The following ZRANB3 variants were observed in gnomAD, a reference collection of about 807,000 sequenced individuals.
ZRANB3 encodes zinc finger RANBP2-type containing 3.
ZRANB3 carries 125 observed loss-of-function variants against 133.8 expected under a neutral mutation model. That is an observed-to-expected ratio of 0.93 (90% CI 0.81 to 1.08). The LOEUF (loss-of-function observed/expected upper bound fraction) is 1.08, where lower values mean the gene tolerates loss of function less well. Among genes scored for constraint, ZRANB3 ranks in the 50% least tolerant of loss-of-function variants. The probability of loss-of-function intolerance (pLI) is 0.00; values close to 1 mark genes in which losing one functional copy is unlikely to be tolerated. For missense variants in ZRANB3, 1,229 were observed against 1,275.5 expected (o/e 0.96, Z 0.56); for synonymous variants, 387 against 432.7 (o/e 0.89, Z 1.31).
intron 1 of ZRANB3, among the ~76,000 whole-genome samples, chr2:135,514,683 A>C (rs1693626122): frequency 6.6e-6 from 1 of 152,192 alleles, no homozygotes; most frequent in East Asian, 1.9e-4. Flanking sequence ...TATGCTGAAT[A>C]GGAGTGGTGA....
At chr2:135,276,469 A>G (rs1680834770) in intron 8 of ZRANB3, among the ~76,000 whole-genome samples, 1 of 152,208 alleles carries the variant, frequency 6.6e-6, no homozygotes, top group African/African-American at 2.4e-5. Flanking sequence ...AAAAGTTCAG[A>G]TTAACAGGTA....
At chr2:135,251,977 T>C (rs1045537873) in intron 12 of ZRANB3, among the ~76,000 whole-genome samples, 1 of 152,132 alleles carries the variant, frequency 6.6e-6, no homozygotes, top group Non-Finnish European at 1.5e-5. Flanking sequence ...GGAGGCTGCA[T>C]TGAGCCTGGA....
chr2:135,462,505 A>G (rs1414284923), intron 2 of ZRANB3, among the ~76,000 whole-genome samples: 1 of 149,820 alleles, frequency 6.7e-6, no homozygotes, highest in Non-Finnish European at 1.5e-5. Flanking sequence ...TTTTTCCTTA[A>G]CTCTGTCCTT....
At chr2:135,204,338 A>G (rs1693761408) in intron 19 of ZRANB3, among the ~76,000 whole-genome samples, 3 of 152,132 alleles carry the variant, frequency 2.0e-5, no homozygotes, top group African/African-American at 7.2e-5. Context: ...TTAGGGAAAA[A>G]AAAATCCATT....
intron 12 of ZRANB3, among the ~76,000 whole-genome samples, chr2:135,241,874 G>C (rs755863272): frequency 5.9e-5 from 9 of 152,112 alleles, no homozygotes; most frequent in Non-Finnish European, 1.3e-4. Context: ...AAGCAGGTTT[G>C]GAGTTCATAA....
chr2:135,303,427 T>G (rs893646041), intron 8 of ZRANB3, among the ~76,000 whole-genome samples: 2 of 152,158 alleles, frequency 1.3e-5, no homozygotes, highest in African/African-American at 4.8e-5. Context: ...ACTTCTTTTT[T>G]TCCTTATGGA....
intron 2 of ZRANB3, among the ~76,000 whole-genome samples, chr2:135,406,093 A>G (rs1156641855): frequency 1.3e-5 from 2 of 152,200 alleles, no homozygotes; most frequent in Non-Finnish European, 2.9e-5. Flanking sequence ...ATAAAGAAGA[A>G]AAGAGAGAAG....
chr2:135,374,052 G>C (rs1686307147), intron 3 of ZRANB3, among the ~76,000 whole-genome samples: 1 of 152,082 alleles, frequency 6.6e-6, no homozygotes, highest in African/African-American at 2.4e-5. Flanking sequence ...ACAACAAATA[G>C]ATGGAACTGT....
At chr2:135,257,175 G>C (rs531305713) in intron 12 of ZRANB3, among the ~76,000 whole-genome samples, 1 of 152,288 alleles carries the variant, frequency 6.6e-6, no homozygotes, top group South Asian at 2.1e-4. Context: ...CTATAGAGTA[G>C]CCATTCTTTA....
At position 135,474,722 on chromosome 2, in the gene ZRANB3, T is replaced by C. The variant is rs114724561; in HGVS notation, c.161+29607A>G. Among the ~76,000 whole-genome samples, 1,134 of 152,348 alleles carry C rather than the reference T, an allele frequency of 7.4e-3. 13 individuals are homozygous for C. The highest frequency in any genetic ancestry group is 0.026 in the African/African-American group (1,083 of 41,584). ...TTACCCAGCATCAGATATTCATTTA[T>C]AGCAATACTACAAGGACTAATGCAA... On this transcript the variant is annotated intron_variant, in intron 2 of 20. Coordinates refer to ENST00000264159, the MANE Select transcript of ZRANB3 (RefSeq NM_032143.4).
intron 6 of ZRANB3, among the ~76,000 whole-genome samples, chr2:135,341,268 T>C (rs537521553): frequency 2.7e-5 from 4 of 149,988 alleles, no homozygotes; most frequent in Middle Eastern, 6.8e-3. Flanking sequence ...GATCTCGTGA[T>C]CTGTTGCGGG....
chr2:135,474,149 C>A (rs1017326024), intron 2 of ZRANB3, among the ~76,000 whole-genome samples: 2 of 152,052 alleles, frequency 1.3e-5, no homozygotes, highest in Non-Finnish European at 2.9e-5. Context: ...CATGATAGCA[C>A]CCCTGCACTC....
At chr2:135,254,542 G>A (rs1261595156) in intron 12 of ZRANB3, among the ~76,000 whole-genome samples, 1 of 151,978 alleles carries the variant, frequency 6.6e-6, no homozygotes, top group African/African-American at 2.4e-5. Context: ...GAACCTGGGA[G>A]GCGGAGGTTG....
chr2:135,424,968 C>G (rs1400960006), intron 2 of ZRANB3, among the ~76,000 whole-genome samples: 3 of 151,732 alleles, frequency 2.0e-5, no homozygotes, highest in African/African-American at 7.3e-5. Flanking sequence ...GGTATCAGAA[C>G]AAGAAAGCTT....
chr2:135,448,653 C>T (rs1690135188), intron 2 of ZRANB3, among the ~76,000 whole-genome samples: 1 of 152,154 alleles, frequency 6.6e-6, no homozygotes. Context: ...AGGCAGACTT[C>T]ATGCACTCTG....
chr2:135,505,557 G>A (rs961854752), intron 1 of ZRANB3, among the ~76,000 whole-genome samples: 1 of 151,674 alleles, frequency 6.6e-6, no homozygotes, highest in South Asian at 2.1e-4. Flanking sequence ...CTGGGCGACA[G>A]AGTGAGACTC....
At chr2:135,394,693 G>A (rs927911211) in intron 2 of ZRANB3, among the ~76,000 whole-genome samples, 8 of 152,084 alleles carry the variant, frequency 5.3e-5, no homozygotes, top group South Asian at 4.1e-4. Flanking sequence ...AATTAAAATG[G>A]TTAAGGTAGT....
chr2:135,389,206 G>A lies in ZRANB3; in HGVS notation c.180+1596C>T, dbSNP rs556992267. 2.8e-4 allele frequency among the ~76,000 whole-genome samples: 42 copies of A among 152,136 alleles called. No homozygotes were observed. In the South Asian group the frequency reaches 5.4e-3, roughly 20 times the overall value. On this transcript the variant is annotated intron_variant, in intron 3 of 20. Coordinates refer to ENST00000264159, the MANE Select transcript of ZRANB3 (RefSeq NM_032143.4). ...TATGTCTTGTTTCTCCAATTATATC[G>A]CTAAAGTTCTTCACTGGCAATGACT...
At chr2:135,433,907 G>T (rs566290706) in intron 2 of ZRANB3, among the ~76,000 whole-genome samples, 87 of 152,350 alleles carry the variant, frequency 5.7e-4, no homozygotes, top group African/African-American at 1.9e-3. Flanking sequence ...TGAGGCAGGG[G>T]AATTGCTTGA....
Sources: gnomAD v4.1 joint callset for allele counts (sites outside exome capture counted in the v4.1 genomes callset) on GRCh38, gnomAD v4.1.1 for gene constraint, MANE v1.5 for transcripts, NCBI Gene and HGNC (gene_info 2026-07-23, HGNC 2026-07-21) for gene names.